The following ZNF721 variants were observed in gnomAD, a reference collection of about 807,000 sequenced individuals.
ZNF721 encodes the protein zinc finger protein 721.
ZNF721 carries 2 observed loss-of-function variants against 2.4 expected under a neutral mutation model. The observed-to-expected ratio is 0.82, with a 90% CI of 0.34 to 2.58. ZNF721 has a LOEUF of 2.58. Among genes scored for constraint, ZNF721 ranks in the 30% most tolerant of loss-of-function variants. The probability of loss-of-function intolerance (pLI) is 0.11; values close to 1 mark genes in which losing one functional copy is unlikely to be tolerated. For missense variants in ZNF721, 1,187 were observed against 1,085.5 expected, an observed-to-expected ratio of 1.09 and a Z score of -1.31; for synonymous variants, 398 against 381.8, an observed-to-expected ratio of 1.04 and a Z score of -0.50.
intron 1 of ZNF721, among the ~76,000 whole-genome samples, chr4:482,129 T>C (rs1288851426): frequency 6.6e-6 from 1 of 152,246 alleles, no homozygotes; most frequent in East Asian, 1.9e-4. Context: ...AGGTCGCATA[T>C]TGCACATGCA....
In ZNF721 at chr4:444,303, C is replaced by T. The variant is rs1560225534; in HGVS notation, c.164G>A (p.Ser55Asn). The T allele has an allele frequency of 1.2e-6, 2 of 1,614,116 alleles. No individual in the cohort carries two copies. Among genetic ancestry groups the T allele is most frequent in the Admixed American group, 3.3e-5 (2 of 60,024 alleles). Residue 55 changes from serine to asparagine, a missense_variant, in exon 3 of 3, where the codon AGT becomes AAT. Physicochemically the swap from Ser to Asn is conservative, Grantham distance 46 (BLOSUM62 1). Transcript: ENST00000511833. ...CTTCTGCACTTTACACACGTTCATA[C>T]TTTTACAGCCTTTCCTTAATTGTAA... The part of the protein sequence containing the change: ...DNLQLRKGCK[S>N]MNVCKVQKGV...
Position 443,206 on chromosome 4 carries a change from C to A in ZNF721, c.1261G>T (p.Asp421Tyr). ...GACAATCCAAAGGCTCTGCCACGAT[C>A]TTCACATGTGTAGGGTTTCTCTCTG... The part of the protein sequence containing the change: ...HTREKPYTCE[D>Y]RGRAFGLSTN... Residue 421 changes from aspartate to tyrosine, a missense_variant, in exon 3 of 3, where the codon GAT (aspartate) becomes TAT (tyrosine). By Grantham distance (160) the Asp-to-Tyr change is radical. Transcript: ENST00000511833. 1 of 1,613,936 alleles carries A rather than the reference C, an allele frequency of 6.2e-7. No homozygotes were observed. Among genetic ancestry groups the A allele is most frequent in the East Asian group, 2.2e-5 (1 of 44,868 alleles).
intron 1 of ZNF721, among the ~76,000 whole-genome samples, chr4:495,331 CAAAA>C (rs548290022): frequency 7.7e-5 from 7 of 90,500 alleles, no homozygotes; most frequent in African/African-American, 2.1e-4. Flanking sequence ...AACTTTTGCT[CAAAA>C]AAAAAAAAAA....
At chr4:452,489 C>T (rs1424780938) in intron 2 of ZNF721, among the ~76,000 whole-genome samples, 1 of 152,148 alleles carries the variant, frequency 6.6e-6, no homozygotes. Flanking sequence ...CCTCTGCGTG[C>T]AGTCACTAGA....
intron 2 of ZNF721, among the ~76,000 whole-genome samples, chr4:460,376 C>T (rs538352996): frequency 1.6e-4 from 25 of 152,218 alleles, no homozygotes; most frequent in Middle Eastern, 3.4e-3. Context: ...TAAATAAGTT[C>T]TTTGAAACCA....
chr4:474,363 G>C (rs1560239113), intron 1 of ZNF721, among the ~76,000 whole-genome samples: 1 of 152,170 alleles, frequency 6.6e-6, no homozygotes, highest in Non-Finnish European at 1.5e-5. Context: ...CTCTGTGCTA[G>C]GCTTGGCTCT....
chr4:464,489 A>G lies in ZNF721; in HGVS notation c.34+8086T>C, dbSNP rs1481637567. On this transcript the variant is annotated intron_variant, in intron 2 of 2. Transcript: ENST00000511833. ...ACCTCAAAAAAAAAAAAAAAAAAAA[A>G]GTCATTTGAAAGTTCCTAATTAAAA... is the stretch of plus-strand genomic sequence containing the variant. 8.8e-5 allele frequency among the ~76,000 whole-genome samples: 13 copies of G among 147,226 alleles called. No homozygotes were observed. In the East Asian group the frequency reaches 2.4e-3, roughly 27 times the overall value.
At chr4:498,215 GAAAA>G (rs797042296) in intron 1 of ZNF721, among the ~76,000 whole-genome samples, 1,108 of 83,938 alleles carry the variant, frequency 0.013, 5 homozygotes, top group African/African-American at 0.045. Context: ...AAAAGAAAAA[GAAAA>G]AAAAAAAAAA....
chr4:496,707 CTTT>C (rs781947891), intron 1 of ZNF721, among the ~76,000 whole-genome samples: 13 of 83,886 alleles, frequency 1.5e-4, no homozygotes, highest in South Asian at 9.6e-4. Flanking sequence ...TACATGACTT[CTTT>C]TTTTTTTTTT....
Position 480,358 on chromosome 4 carries a change from C to A in ZNF721, c.-93-7657G>T, listed in dbSNP as rs192881596. 2.2e-4 allele frequency among the ~76,000 whole-genome samples: 33 copies of A among 152,302 alleles called. 1 individual carries two copies. The East Asian group carries it at 5.8e-3, about 27-fold the overall frequency. ...CACTTTTGTAATTTGAATTTAGGAACACTTTCTTATGCTGACTCTTAAGTA... is the reference window on the plus strand; with the variant it reads ...CACTTTTGTAATTTGAATTTAGGAAAACTTTCTTATGCTGACTCTTAAGTA... On this transcript the variant is annotated intron_variant, in intron 1 of 2. Coordinates refer to ENST00000511833, the MANE Select transcript of ZNF721 (RefSeq NM_133474.4).
intron 2 of ZNF721, among the ~76,000 whole-genome samples, chr4:452,026 CT>C (rs1714683674): frequency 6.6e-6 from 1 of 152,138 alleles, no homozygotes; most frequent in Non-Finnish European, 1.5e-5. Context: ...TTGCTTACTG[CT>C]TGTAAGTTAA....
intron 1 of ZNF721, among the ~76,000 whole-genome samples, chr4:498,240 A>G (rs1316648893): frequency 7.0e-6 from 1 of 143,214 alleles, no homozygotes; most frequent in African/African-American, 2.7e-5. Flanking sequence ...AAAAAAAAAA[A>G]GAAGGACATT....
At chr4:455,014 T>A (rs1279240487) in intron 2 of ZNF721, among the ~76,000 whole-genome samples, 2 of 152,212 alleles carry the variant, frequency 1.3e-5, no homozygotes, top group Non-Finnish European at 2.9e-5. Context: ...TCTCCTCATC[T>A]GTGCACGGAT....
chr4:475,125 T>G (rs2108714725), intron 1 of ZNF721, among the ~76,000 whole-genome samples: 1 of 152,072 alleles, frequency 6.6e-6, no homozygotes. Context: ...AGACGGAGCT[T>G]CTTGTTAGTT....
intron 2 of ZNF721, among the ~76,000 whole-genome samples, chr4:459,956 T>C (rs1369716525): frequency 1.3e-5 from 2 of 152,166 alleles, no homozygotes; most frequent in African/African-American, 2.4e-5. Flanking sequence ...AGCAAGTTTT[T>C]AGAGACCCAC....
intron 2 of ZNF721, among the ~76,000 whole-genome samples, chr4:445,916 TCAA>T (rs1714458038): frequency 6.6e-6 from 1 of 152,126 alleles, no homozygotes; most frequent in Admixed American, 6.5e-5. Context: ...AGTGAATCTG[TCAA>T]CAAAACTATT....
chr4:458,264 G>C lies in ZNF721; in HGVS notation c.35-13832C>G, dbSNP rs141307502. 7.3e-3 allele frequency among the ~76,000 whole-genome samples: 1,104 copies of C among 152,264 alleles called. 12 individuals carry two copies. Among genetic ancestry groups the C allele is most frequent in the Middle Eastern group, 0.071 (21 of 294 alleles). ...CAGAAAATAGATAGAATCCACAACT[G>C]TCTGATGCCCAGATAACAGGTCTCC... On this transcript the variant is annotated intron_variant, in intron 2 of 2. Transcript: ENST00000511833.
chr4:442,920 A>C lies in ZNF721; in HGVS notation c.1547T>G (p.Leu516Arg). Residue 516 changes from leucine (L) to arginine (R), a missense_variant, in exon 3 of 3, where the codon CTT (leucine) becomes CGT (arginine). Transcript: ENST00000511833. The part of the protein sequence containing the change: ...CGKAFTSSTT[L>R]TKHRRIHTGE... The stretch of plus-strand genomic sequence containing the variant: ...AGTATGAATTCTCCTATGTTTAGTA[A>C]GGGTTGTGGAACTAGTAAACGCTTT... 1 of 1,613,880 alleles carries C rather than the reference A, an allele frequency of 6.2e-7. No homozygotes were observed.
At chr4:453,502 A>G (rs998633540) in intron 2 of ZNF721, 2 of 152,204 alleles carry the variant, frequency 1.3e-5, no homozygotes, top group Non-Finnish European at 2.9e-5. Flanking sequence ...TTCCACCACA[A>G]CTGCAAACTT....
Sources: allele counts gnomAD v4.1 joint callset (sites outside exome capture counted in the v4.1 genomes callset), GRCh38; gene constraint gnomAD v4.1.1; transcripts MANE v1.5; gene names NCBI Gene and HGNC (gene_info 2026-07-23, HGNC 2026-07-21).